Variants in TEX22 observed in about 807,000 individuals in gnomAD.
TEX22 encodes the protein testis expressed 22, also known as testis-expressed protein 22.
A neutral mutation model predicts 11.3 loss-of-function variants in TEX22; 16 were observed. The ratio of observed to expected loss-of-function variants is 1.42; its 90% CI spans 0.96 to 2.15. The LOEUF (loss-of-function observed/expected upper bound fraction) is 2.15, where lower values mean the gene tolerates loss of function less well. Among genes scored for constraint, TEX22 ranks in the 30% most tolerant of loss-of-function variants. The pLI, the probability that TEX22 is intolerant of heterozygous loss-of-function variation, is 0.00. For missense variants in TEX22, 220 were observed against 208.6 expected (o/e 1.05, Z -0.34); for synonymous variants, 97 against 92.3 (o/e 1.05, Z -0.29).
chr14:105,402,019 CTATTA>C (rs2141355810), intron 2 of TEX22, among the ~76,000 whole-genome samples: 1 of 152,234 alleles, frequency 6.6e-6, no homozygotes, highest in Non-Finnish European at 1.5e-5. Context: ...AACCCCGTCT[CTATTA>C]AAAATACAAA....
At chr14:105,403,369 A>C (rs2081642654) in intron 2 of TEX22, among the ~76,000 whole-genome samples, 1 of 152,146 alleles carries the variant, frequency 6.6e-6, no homozygotes, top group East Asian at 1.9e-4. Context: ...CTGCTTCCTT[A>C]GCTGTAAACA....
intron 1 of TEX22, among the ~76,000 whole-genome samples, 158 bp downstream of exon 1, chr14:105,398,793 A>G (rs1477866997): frequency 6.6e-6 from 1 of 151,770 alleles, no homozygotes; most frequent in Non-Finnish European, 1.5e-5. Flanking sequence ...CCGGCCGCGC[A>G]GACCCCGCCT....
intron 2 of TEX22, among the ~76,000 whole-genome samples, chr14:105,400,170 G>C (rs1232935838): frequency 1.3e-5 from 2 of 152,218 alleles, no homozygotes; most frequent in African/African-American, 4.8e-5. Context: ...AGGGGCTCCT[G>C]GGCACTGGCA....
chr14:105,410,588 A>G (rs373262319), intron 2 of TEX22, among the ~76,000 whole-genome samples: 40 of 152,254 alleles, frequency 2.6e-4, no homozygotes, highest in African/African-American at 9.6e-4. Context: ...GCTGGATCCC[A>G]TGCAATTCTG....
At chr14:105,402,505 A>T (rs949119844) in intron 2 of TEX22, among the ~76,000 whole-genome samples, 3 of 152,112 alleles carry the variant, frequency 2.0e-5, no homozygotes, top group African/African-American at 4.8e-5. Flanking sequence ...CTGTAATCCC[A>T]GCACTTTGGG....
chr14:105,407,856 G>A (rs2081666218), intron 2 of TEX22, among the ~76,000 whole-genome samples: 1 of 147,038 alleles, frequency 6.8e-6, no homozygotes, highest in South Asian at 2.2e-4. Flanking sequence ...CTGCATGGGG[G>A]TCCATCTGTG....
rs1270053787 is a variant in TEX22, at chr14:105,409,488, ACTT to A, written c.151-1867_151-1865del. ...TGTGGTGGTGCCCTAGACTATTAAG[ACTT>A]CTTCTTCTTCTTTTTTTTTTTTTTT... On this transcript the variant is annotated intron_variant, in intron 2 of 3. Coordinates refer to ENST00000451127, the MANE Select transcript of TEX22 (RefSeq NM_001195082.2). Among the ~76,000 whole-genome samples, 206 of 146,390 alleles carry A rather than the reference ACTT, an allele frequency of 1.4e-3. 4 individuals carry two copies. Among genetic ancestry groups the A allele is most frequent in the African/African-American group, 4.7e-3 (183 of 39,068 alleles).
At chr14:105,411,306 G>T in intron 2 of TEX22, 62 bp from the exon 3 acceptor site, 9 of 1,249,148 alleles carry the variant, frequency 7.2e-6, no homozygotes, top group Non-Finnish European at 9.0e-6. Flanking sequence ...CGGGTGCTGG[G>T]TGGGAGCGGC....
At chr14:105,401,699 T>A (rs1566983769) in intron 2 of TEX22, among the ~76,000 whole-genome samples, 1 of 152,132 alleles carries the variant, frequency 6.6e-6, no homozygotes, top group Non-Finnish European at 1.5e-5. Flanking sequence ...AACCTGCATG[T>A]TGTGCACATG....
At chr14:105,406,151 T>C (rs1442369046) in intron 2 of TEX22, among the ~76,000 whole-genome samples, 1 of 152,170 alleles carries the variant, frequency 6.6e-6, no homozygotes, top group East Asian at 1.9e-4. Flanking sequence ...ACCCAAACCA[T>C]GTGAGCACTG....
rs2081691014 is a variant in TEX22, at chr14:105,411,508, G to A, written c.279+12G>A. ...AGCTGCACTGCAGGGTGCGCGGGGG[G>A]CGGGTCCTCCCCGCCCCGTCCCCGC... On this transcript the variant is annotated intron_variant, in intron 3 of 3. Coordinates refer to ENST00000451127, the MANE Select transcript of TEX22 (RefSeq NM_001195082.2). The A allele has an allele frequency of 1.6e-6, 2 of 1,217,986 alleles. No homozygotes were observed. The highest frequency in any genetic ancestry group is 2.0e-6 in the Non-Finnish European group (2 of 977,762). The allele number at this position is 1,217,986 out of a possible 1,614,324, so 75.4% of individuals were successfully genotyped here.
At chr14:105,403,714 G>A (rs1460182275) in intron 2 of TEX22, among the ~76,000 whole-genome samples, 3 of 152,148 alleles carry the variant, frequency 2.0e-5, no homozygotes, top group African/African-American at 4.8e-5. Context: ...GAGCCATTGC[G>A]CCCAGCCAGA....
At chr14:105,411,245 C>A in intron 2 of TEX22, 123 bp from the exon 3 acceptor site, 1 of 1,099,932 alleles carries the variant, frequency 9.1e-7, no homozygotes, top group Non-Finnish European at 1.1e-6. Context: ...CAGCGGGAGG[C>A]TGAGCAGACG....
chr14:105,398,893 G>T (rs2081604593), intron 1 of TEX22, among the ~76,000 whole-genome samples: 1 of 152,240 alleles, frequency 6.6e-6, no homozygotes, highest in African/African-American at 2.4e-5. Flanking sequence ...AGGGTCGGAA[G>T]CGGGGCTGTG....
intron 2 of TEX22, among the ~76,000 whole-genome samples, chr14:105,408,471 T>C (rs888909169): frequency 8.5e-5 from 13 of 152,198 alleles, no homozygotes; most frequent in African/African-American, 2.7e-4. Flanking sequence ...TCACCCAGAC[T>C]GGAGTGCAAT....
chr14:105,399,273 G>GC, intron 1 of TEX22, 29 bp from the exon 2 acceptor site: 1 of 477,834 alleles, frequency 2.1e-6, no homozygotes, highest in Non-Finnish European at 3.6e-6. Flanking sequence ...TGTGGGCCCC[G>GC]CCCCACCTCC....
chr14:105,402,649 G>C (rs587729742), intron 2 of TEX22, among the ~76,000 whole-genome samples: 6 of 151,888 alleles, frequency 4.0e-5, no homozygotes, highest in Admixed American at 1.3e-4. Flanking sequence ...CCAGCTACTC[G>C]GGAGGCTGAG....
chr14:105,408,395 C>G (rs928870063), intron 2 of TEX22, among the ~76,000 whole-genome samples: 5 of 152,000 alleles, frequency 3.3e-5, no homozygotes, highest in Admixed American at 2.6e-4. Context: ...GCACCCACCA[C>G]CACACCCAGC....
intron 2 of TEX22, among the ~76,000 whole-genome samples, chr14:105,410,984 T>C (rs1460022199): frequency 6.6e-6 from 1 of 152,226 alleles, no homozygotes; most frequent in African/African-American, 2.4e-5. Context: ...CAGAGGGGTC[T>C]GGGGAGAAGG....
Sources: gnomAD v4.1 joint callset for allele counts (sites outside exome capture counted in the v4.1 genomes callset) on GRCh38, gnomAD v4.1.1 for gene constraint, MANE v1.5 for transcripts, NCBI Gene and HGNC (gene_info 2026-07-23, HGNC 2026-07-21) for gene names.